Variants in GEMIN8 observed in about 807,000 individuals in gnomAD.
The protein encoded by GEMIN8 is gem nuclear organelle associated protein 8.
For missense variants in GEMIN8, 185 were observed against 205.9 expected (o/e 0.90, Z 0.62); for synonymous variants, 80 against 78.5 (o/e 1.02, Z -0.10).
At chrX:14,014,602 C>A (rs988179872) in intron 4 of GEMIN8, 8 of 613,830 alleles carry the variant, frequency 1.3e-5, no homozygotes, top group African/African-American at 2.4e-5. Flanking sequence ...CATCCTTCAA[C>A]CTCATTGACT....
chrX:14,005,466 G>C (rs751108691), downstream of GEMIN8, among the ~76,000 whole-genome samples: 2 of 111,892 alleles, frequency 1.8e-5, no homozygotes, highest in Admixed American at 9.5e-5. Context: ...TGCTCAGAGA[G>C]ACAAAGAAAC....
the GEMIN8 span, among the ~76,000 whole-genome samples, chrX:14,001,495 C>T: frequency 2.7e-5 from 3 of 111,604 alleles, no homozygotes; most frequent in Admixed American, 1.9e-4. Context: ...AACACCTCCT[C>T]GCCCTCGCCA....
At chrX:14,021,019 G>A (rs915773003) in intron 3 of GEMIN8, among the ~76,000 whole-genome samples, 1 of 111,016 alleles carries the variant, frequency 9.0e-6, no homozygotes, top group Non-Finnish European at 1.9e-5. Flanking sequence ...CTAAATGCCT[G>A]GGGTAAGAGA....
rs138224496 is a variant in GEMIN8, at chrX:14,019,419, C to A, written c.472+659G>T. Reference sequence around the variant, plus strand: ...AAGACCTTTATCATAATTCTCTGACCCCATGGACAGGGCCTCAATGCAGAA... The same window carrying A: ...AAGACCTTTATCATAATTCTCTGACACCATGGACAGGGCCTCAATGCAGAA... On this transcript the variant is annotated intron_variant, in intron 4 of 4. Transcript: ENST00000680255. Among the ~76,000 whole-genome samples, 8 of 111,369 alleles carry A rather than the reference C, an allele frequency of 7.2e-5. No homozygotes were observed. In the East Asian group the frequency reaches 2.0e-3, roughly 27 times the overall value.
intron 2 of GEMIN8, 178 bp downstream of exon 2, chrX:14,025,962 C>T (rs1290879350): frequency 8.5e-6 from 4 of 468,830 alleles, no homozygotes; most frequent in Non-Finnish European, 1.1e-5. Flanking sequence ...GCATGGAGAA[C>T]TTAAGGAGCT....
intron 4 of GEMIN8, chrX:14,013,989 G>A: frequency 1.4e-6 from 1 of 711,125 alleles, no homozygotes; most frequent in South Asian, 7.3e-5. Context: ...TCTACATGAT[G>A]TGACCAATGT....
the GEMIN8 span, among the ~76,000 whole-genome samples, chrX:13,994,841 C>G: frequency 8.9e-6 from 1 of 112,303 alleles, no homozygotes; most frequent in Non-Finnish European, 1.9e-5. Flanking sequence ...ACAAACCACA[C>G]GATTTCTGCA....
At chrX:14,003,056 A>G (rs920972587), downstream of GEMIN8, among the ~76,000 whole-genome samples, 1 of 111,856 alleles carries the variant, frequency 8.9e-6, no homozygotes, top group African/African-American at 3.3e-5. Flanking sequence ...TGGGATGTCT[A>G]TTTCTTCGGT....
chrX:14,009,117 G>C lies in GEMIN8; in HGVS notation c.525C>G (p.Asp175Glu). 1 of 1,211,120 alleles carries C rather than the reference G, an allele frequency of 8.3e-7. No individual in the cohort carries two copies. The highest frequency in any genetic ancestry group is 1.1e-6 in the Non-Finnish European group (1 of 894,558). ...GGCGGGTGTTGCAGTACAGGTCGTG[G>C]TCAGCGTTCACATAGCTGTCCAGGC... is the stretch of plus-strand genomic sequence containing the variant. ...AERLDSYVNA[D>E]HDLYCNTRRS... is the part of the protein sequence containing the mutation. Residue 175 changes from aspartate (D) to glutamate (E), a missense_variant, in exon 5 of 5, where the codon GAC becomes GAG. By Grantham distance (45) the Asp-to-Glu change is conservative. Coordinates refer to ENST00000680255, the MANE Select transcript of GEMIN8 (RefSeq NM_001042479.2).
At chrX:14,015,766 G>C (rs1569357989) in intron 4 of GEMIN8, among the ~76,000 whole-genome samples, 1 of 112,340 alleles carries the variant, frequency 8.9e-6, no homozygotes, top group South Asian at 3.7e-4. Flanking sequence ...AGCTGAAAAT[G>C]TCCTTATTGA....
At chrX:13,988,450 C>T in the GEMIN8 span, among the ~76,000 whole-genome samples, 3 of 109,282 alleles carry the variant, frequency 2.7e-5, no homozygotes, top group African/African-American at 1.0e-4. Flanking sequence ...AGATCTCATC[C>T]CTTCTCTCAG....
chrX:14,002,374 A>ATAG (rs1569341864), downstream of GEMIN8, among the ~76,000 whole-genome samples: 10 of 103,593 alleles, frequency 9.7e-5, no homozygotes, highest in Admixed American at 8.4e-4. Flanking sequence ...TAGATAGATA[A>ATAG]ATAGAGTTCT....
intron 4 of GEMIN8, among the ~76,000 whole-genome samples, chrX:14,011,516 C>CTTTTTTTTTTTTTTT (rs575651297): frequency 8.3e-5 from 5 of 60,397 alleles, no homozygotes; most frequent in African/African-American, 2.1e-4. Flanking sequence ...CTATGGCTCT[C>CTTTTTTTTTTTTTTT]TTTTTTTTTT....
intron 4 of GEMIN8, among the ~76,000 whole-genome samples, chrX:14,015,399 C>T (rs1022868756): frequency 3.6e-4 from 40 of 112,456 alleles, no homozygotes; most frequent in African/African-American, 9.7e-4. Flanking sequence ...CTTTAAGTAA[C>T]GGAAATATCT....
chrX:14,020,727 G>A (rs995896146), intron 3 of GEMIN8, 193 bp from the exon 4 acceptor site: 27 of 420,762 alleles, frequency 6.4e-5, no homozygotes, highest in Non-Finnish European at 1.1e-4. Context: ...CCAAGTGTAT[G>A]CACACTTGCT....
At chrX:13,993,083 T>C in the GEMIN8 span, among the ~76,000 whole-genome samples, 2 of 112,319 alleles carry the variant, frequency 1.8e-5, no homozygotes, top group East Asian at 5.6e-4. Context: ...TTCTCCAGGT[T>C]AGGCCCCATC....
At chrX:13,990,222 C>T in the GEMIN8 span, among the ~76,000 whole-genome samples, 2 of 112,556 alleles carry the variant, frequency 1.8e-5, no homozygotes, top group African/African-American at 3.2e-5. Flanking sequence ...GAAACCAGTC[C>T]TGAGATAGGA....
intron 4 of GEMIN8, among the ~76,000 whole-genome samples, chrX:14,017,724 T>C (rs1924028018): frequency 8.9e-6 from 1 of 112,195 alleles, no homozygotes; most frequent in South Asian, 3.7e-4. Context: ...TTTCACTGCA[T>C]GTGTGTCTGT....
At chrX:14,023,581 T>C (rs1428998954) in intron 2 of GEMIN8, among the ~76,000 whole-genome samples, 1 of 111,434 alleles carries the variant, frequency 9.0e-6, no homozygotes, top group Non-Finnish European at 1.9e-5. Context: ...GGTTTCACTA[T>C]GTTGGCCAGG....
Sources: allele counts gnomAD v4.1 joint callset (sites outside exome capture counted in the v4.1 genomes callset), GRCh38; gene constraint gnomAD v4.1.1; transcripts MANE v1.5; gene names NCBI Gene and HGNC (gene_info 2026-07-23, HGNC 2026-07-21).